The following NCEH1 variants were observed in gnomAD, a reference collection of about 807,000 sequenced individuals.
NCEH1 encodes the protein 2-acetyl MAGE hydrolase.
Under a neutral mutation model 25.4 loss-of-function variants are expected in NCEH1, and 9 were observed. That is an observed-to-expected ratio of 0.35 (90% CI 0.21 to 0.62). NCEH1 has a LOEUF of 0.62. NCEH1 is among the 20% of genes least tolerant of loss of function. The probability of loss-of-function intolerance (pLI) is 0.72; values close to 1 mark genes in which losing one functional copy is unlikely to be tolerated. For synonymous variants in NCEH1, 200 were observed against 199.8 expected (o/e 1.00, Z -0.01); for missense variants, 412 against 501.1 (o/e 0.82, Z 1.70).
intron 1 of NCEH1, among the ~76,000 whole-genome samples, chr3:172,661,787 GTATAGGAA>G (rs770829755): frequency 3.0e-5 from 3 of 99,402 alleles, no homozygotes; most frequent in South Asian, 7.0e-4. Flanking sequence ...TCTTATTGGT[GTATAGGAA>G]TGCTTGTGAT....
At chr3:172,653,770 T>TG (rs1717559257) in intron 1 of NCEH1, among the ~76,000 whole-genome samples, 1 of 148,242 alleles carries the variant, frequency 6.7e-6, no homozygotes, top group Non-Finnish European at 1.5e-5. Context: ...GTTTTTTTTT[T>TG]TTTTTGAGAC....
At chr3:172,661,073 C>T (rs1255603560) in intron 1 of NCEH1, among the ~76,000 whole-genome samples, 2 of 152,144 alleles carry the variant, frequency 1.3e-5, no homozygotes, top group African/African-American at 4.8e-5. Flanking sequence ...AATGGTATTG[C>T]CTAGGTTTTC....
chr3:172,681,346 C>T (rs1712364414), intron 1 of NCEH1: 1 of 152,144 alleles, frequency 6.6e-6, no homozygotes, highest in African/African-American at 2.4e-5. Flanking sequence ...TAAACCTATT[C>T]TGATGTTCTT....
At chr3:172,697,028 C>T (rs778173562) in intron 1 of NCEH1, among the ~76,000 whole-genome samples, 8 of 152,032 alleles carry the variant, frequency 5.3e-5, no homozygotes, top group African/African-American at 1.2e-4. Context: ...TGGGTTCAAG[C>T]GATTCTCATG....
At chr3:172,643,980 A>T (rs770464176) in intron 3 of NCEH1, among the ~76,000 whole-genome samples, 2 of 152,216 alleles carry the variant, frequency 1.3e-5, no homozygotes, top group African/African-American at 2.4e-5. Flanking sequence ...CTGCACTGAC[A>T]ACCCTTGAGT....
chr3:172,681,908 C>CAAA (rs10711610), intron 1 of NCEH1, among the ~76,000 whole-genome samples: 33 of 143,796 alleles, frequency 2.3e-4, no homozygotes, highest in African/African-American at 5.8e-4. Flanking sequence ...GAGACTGTCT[C>CAAA]AAAAAAAAAA....
At chr3:172,690,233 GA>G (rs1005094511) in intron 1 of NCEH1, among the ~76,000 whole-genome samples, 1 of 152,090 alleles carries the variant, frequency 6.6e-6, no homozygotes, top group Non-Finnish European at 1.5e-5. Context: ...ATTTCTTTAA[GA>G]ATACAGAGTA....
At chr3:172,660,150 A>C (rs1165885219) in intron 1 of NCEH1, among the ~76,000 whole-genome samples, 10 of 85,730 alleles carry the variant, frequency 1.2e-4, no homozygotes, top group Non-Finnish European at 7.0e-5. Flanking sequence ...GACAGGCCCC[A>C]GTGTGTGATG....
intron 1 of NCEH1, among the ~76,000 whole-genome samples, chr3:172,666,480 C>T (rs1055988969): frequency 1.3e-5 from 2 of 152,172 alleles, no homozygotes; most frequent in African/African-American, 4.8e-5. Flanking sequence ...TGTTCTAATC[C>T]CCCCTCCCTC....
At chr3:172,709,537 G>T (rs1203475577) in intron 1 of NCEH1, among the ~76,000 whole-genome samples, 3 of 152,184 alleles carry the variant, frequency 2.0e-5, no homozygotes, top group Non-Finnish European at 4.4e-5. Flanking sequence ...GGGGGCAGGG[G>T]TCTATAGCTT....
intron 3 of NCEH1, among the ~76,000 whole-genome samples, chr3:172,638,718 T>C (rs1347485119): frequency 6.6e-6 from 1 of 152,216 alleles, no homozygotes. Context: ...GGTCAGAACA[T>C]ATCCACTAGC....
chr3:172,641,089 ACT>A (rs1249025836), intron 3 of NCEH1, among the ~76,000 whole-genome samples: 1 of 152,052 alleles, frequency 6.6e-6, no homozygotes, highest in African/African-American at 2.4e-5. Context: ...ACAGAGTGAG[ACT>A]CTGTCTCAAA....
intron 4 of NCEH1, among the ~76,000 whole-genome samples, chr3:172,635,612 G>A (rs937183207): frequency 3.9e-5 from 6 of 152,180 alleles, no homozygotes; most frequent in South Asian, 4.1e-4. Context: ...ACATGAAAAA[G>A]GAGCAGGGGA....
intron 1 of NCEH1, among the ~76,000 whole-genome samples, chr3:172,676,171 T>G (rs982451971): frequency 1.3e-5 from 2 of 152,142 alleles, no homozygotes; most frequent in East Asian, 3.8e-4. Flanking sequence ...TTAAAAAAGT[T>G]TTTTTAGGCA....
At chr3:172,679,233 C>G (rs1172373746) in intron 1 of NCEH1, among the ~76,000 whole-genome samples, 1 of 152,190 alleles carries the variant, frequency 6.6e-6, no homozygotes, top group Non-Finnish European at 1.5e-5. Flanking sequence ...GCTTGGACCA[C>G]TATAAGCATG....
At chr3:172,701,595 G>A (rs1208528729) in intron 1 of NCEH1, among the ~76,000 whole-genome samples, 3 of 148,926 alleles carry the variant, frequency 2.0e-5, no homozygotes, top group Admixed American at 6.7e-5. Context: ...GACTACAGAC[G>A]CGTGCCACCA....
At chr3:172,647,171 AAG>A (rs1311804713) in intron 2 of NCEH1, among the ~76,000 whole-genome samples, 1 of 152,208 alleles carries the variant, frequency 6.6e-6, no homozygotes, top group Non-Finnish European at 1.5e-5. Flanking sequence ...CTTTTAAACT[AAG>A]GGGATGCCAA....
At position 172,648,033 on chromosome 3, in the gene NCEH1, C is replaced by T. The variant is rs142628549; in HGVS notation, c.220G>A (p.Ala74Thr). Residue 74 changes from alanine (A) to threonine (T), a missense_variant, in exon 2 of 5, where the codon GCG becomes ACG. Ala to Thr is a moderately conservative substitution (Grantham distance 58). Coordinates refer to ENST00000475381, the MANE Select transcript of NCEH1 (RefSeq NM_020792.6). ...FIIVSFGKKSAWSSAQVKVTD... is the reference protein window; with the variant it reads ...FIIVSFGKKSTWSSAQVKVTD... ...ACCTTCACTTGGGCAGAAGACCACG[C>T]GCTTTTTTTGCCAAAAGAAACAATG... The T allele has an allele frequency of 7.2e-5, 117 of 1,614,144 alleles. No individual in the cohort carries two copies. The highest frequency in any genetic ancestry group is 5.2e-4 in the African/African-American group (39 of 75,028).
chr3:172,645,974 A>G (rs1717102405), intron 2 of NCEH1, among the ~76,000 whole-genome samples: 1 of 152,250 alleles, frequency 6.6e-6, no homozygotes, highest in South Asian at 2.1e-4. Flanking sequence ...AATGCACCAA[A>G]TTAATCCTGA....
Sources: allele counts gnomAD v4.1 joint callset (sites outside exome capture counted in the v4.1 genomes callset), GRCh38; gene constraint gnomAD v4.1.1; transcripts MANE v1.5; gene names NCBI Gene and HGNC (gene_info 2026-07-23, HGNC 2026-07-21).